Variants in HSPA8 observed in about 807,000 individuals in gnomAD.
HSPA8 encodes heat shock cognate 71 kDa protein.
Under a neutral mutation model 52.8 loss-of-function variants are expected in HSPA8, and 2 were observed. That is an observed-to-expected ratio of 0.04 (90% CI 0.02 to 0.12). The LOEUF (loss-of-function observed/expected upper bound fraction) is 0.12. HSPA8 is among the 10% of genes least tolerant of loss of function. The pLI, the probability that HSPA8 is intolerant of heterozygous loss-of-function variation, is 1.00. For missense variants in HSPA8, 349 were observed against 800.5 expected, an observed-to-expected ratio of 0.44 and a Z score of 6.81; for synonymous variants, 436 against 274.0, an observed-to-expected ratio of 1.59 and a Z score of -5.84.
intron 4 of HSPA8, 26 bp downstream of exon 4, chr11:123,060,090 G>C (rs368508401): frequency 6.2e-7 from 1 of 1,613,806 alleles, no homozygotes; most frequent in Admixed American, 1.7e-5. Flanking sequence ...AAAATAATCC[G>C]AACTTGCATC....
chr11:123,057,997 C>G, intron 8 of HSPA8, 78 bp from the exon 9 acceptor site: 1 of 1,215,284 alleles, frequency 8.2e-7, no homozygotes, highest in South Asian at 1.5e-5. Flanking sequence ...CAATCTGATA[C>G]TAAAAGTCTG....
At chr11:123,061,883 G>A (rs910044760) in intron 1 of HSPA8, 181 bp downstream of exon 1, 2 of 157,350 alleles carry the variant, frequency 1.3e-5, no homozygotes, top group Admixed American at 1.2e-4. Flanking sequence ...CCGTCCTGCC[G>A]GCTGCAACCA....
At position 123,061,369 on chromosome 11, in the gene HSPA8, C is replaced by T. The variant is rs201378086; in HGVS notation, c.-5-40G>A. 1.2e-5 allele frequency: 17 copies of T among 1,457,662 alleles called. No homozygotes were observed. In the African/African-American group the frequency reaches 1.3e-4, roughly 11 times the overall value. The allele number at this position is 1,457,662 out of a possible 1,614,324, so 90.3% of individuals were successfully genotyped here. A position where few individuals can be genotyped will look rare whatever the true frequency, so the allele number is the denominator to read the frequency against. The stretch of plus-strand genomic sequence containing the variant: ...AATCTGGTTTAAAAATTCAATTAAT[C>T]AAAATATTTCCCTCATCCCTTAACA... On this transcript the variant is annotated intron_variant, in intron 1 of 8. Coordinates refer to ENST00000534624, the MANE Select transcript of HSPA8 (RefSeq NM_006597.6).
At chr11:123,061,449 C>T (rs1865498307) in intron 1 of HSPA8, 120 bp from the exon 2 acceptor site, 3 of 753,940 alleles carry the variant, frequency 4.0e-6, no homozygotes, top group Non-Finnish European at 6.6e-6. Context: ...TAGTGCCCAT[C>T]ACCTCCTGTC....
At position 123,058,897 on chromosome 11, in the gene HSPA8, A is replaced by G; in HGVS notation, c.1324-67T>C. ...TCTGTGACAGTGCTAGGGTCCTGCT[A>G]AGGAAGAATGGTCGCTCAAACATCC... On this transcript the variant is annotated intron_variant, in intron 6 of 8. Coordinates refer to ENST00000534624, the MANE Select transcript of HSPA8 (RefSeq NM_006597.6). 4 of 1,497,792 alleles carry G rather than the reference A, an allele frequency of 2.7e-6. No homozygotes were observed. In the South Asian group the frequency reaches 3.4e-5, roughly 13 times the overall value. 92.8% of individuals were successfully genotyped at this position (1,497,792 alleles called of 1,614,324 possible). A position where few individuals can be genotyped will look rare whatever the true frequency, so the allele number is the denominator to read the frequency against.
At position 123,060,035 on chromosome 11, in the gene HSPA8, T is replaced by A. The variant is rs373796555; in HGVS notation, c.565-7A>T. The A allele has an allele frequency of 2.5e-6, 4 of 1,613,872 alleles. No individual in the cohort carries two copies. The African/African-American group carries it at 4.0e-5, about 16-fold the overall frequency. On this transcript the variant is annotated splice_region_variant and splice_polypyrimidine_tract_variant and intron_variant, in intron 4 of 8. Transcript: ENST00000534624. ...CGTTTCTTTCTGCTCCAACCTGCCG[T>A]TAAAAACAATCTCATTTAAATTTAC...
chr11:123,061,593 A>ACCT (rs1865504674), intron 1 of HSPA8: 1 of 511,070 alleles, frequency 2.0e-6, no homozygotes, highest in Admixed American at 3.3e-5. Flanking sequence ...CTTACCCCGA[A>ACCT]CTGAGCACTG....
rs541953746 is a variant in HSPA8, at chr11:123,060,522, C to A, written c.411+71G>T. The A allele has an allele frequency of 4.2e-5, 50 of 1,199,534 alleles. No individual in the cohort carries two copies. The East Asian group carries it at 7.5e-4, about 18-fold the overall frequency. The allele number at this position is 1,199,534 out of a possible 1,614,324, so 74.3% of individuals were successfully genotyped here. A position where few individuals can be genotyped will look rare whatever the true frequency, so the allele number is the denominator to read the frequency against. ...ATCTGTTCCCCTCCCTCGCCAGGTG[C>A]CAGTGCCCCCGGGAGTCATCGGGCT... On this transcript the variant is annotated intron_variant, in intron 3 of 8. Coordinates refer to ENST00000534624, the MANE Select transcript of HSPA8 (RefSeq NM_006597.6).
rs146503730 is a variant in HSPA8 at position 123,059,591 on chromosome 11, A to G, written c.1002T>C (p.Ile334=). The part of the protein sequence containing the change: ...AKLDKSQIHD[I]VLVGGSTRIP... The stretch of plus-strand genomic sequence containing the variant: ...TACGAGTAGAACCACCAACCAGGAC[A>G]ATATCATGAATCTGTGACTTGTCTA... The change falls in exon 5 of 9, where the codon ATT becomes ATC. Residue 334 remains isoleucine, a synonymous_variant. Coordinates refer to ENST00000534624, the MANE Select transcript of HSPA8 (RefSeq NM_006597.6). 285 of 1,614,052 alleles carry G rather than the reference A, an allele frequency of 1.8e-4. No homozygotes were observed. The highest frequency in any genetic ancestry group is 2.2e-4 in the Non-Finnish European group (264 of 1,180,030).
At position 123,057,545 on chromosome 11, in the gene HSPA8, AT is replaced by A. The variant is rs1565365817; in HGVS notation, c.*188del. On this transcript the variant is annotated 3_prime_UTR_variant, in exon 9 of 9. Transcript: ENST00000534624. ...TAAGACATTGCATTTTCCACTTACA[AT>A]ACAGTGTTTATAAAGTGCAATGTTA... 1 of 509,756 alleles carries A rather than the reference AT, an allele frequency of 2.0e-6. No homozygotes were observed. Among genetic ancestry groups the A allele is most frequent in the Non-Finnish European group, 3.4e-6 (1 of 290,692 alleles). 31.6% of individuals were successfully genotyped at this position (509,756 alleles called of 1,614,324 possible). A position where few individuals can be genotyped will look rare whatever the true frequency, so the allele number is the denominator to read the frequency against.
Position 123,058,474 on chromosome 11 carries a change from G to C in HSPA8, c.1533C>G (p.Ser511Arg), listed in dbSNP as rs1591436033. ...GGACCATACGTTCAATGTCTTCCTT[G>C]CTCAAACGGCCTAGGAAAGAAATTA... is the stretch of plus-strand genomic sequence containing the variant. ...ITITNDKGRL[S>R]KEDIERMVQE... Residue 511 changes from serine to arginine, a missense_variant, in exon 8 of 9, where the codon AGC becomes AGG. By Grantham distance (110) the Ser-to-Arg change is moderately radical (BLOSUM62 -1). Coordinates refer to ENST00000534624, the MANE Select transcript of HSPA8 (RefSeq NM_006597.6). 6.2e-7 allele frequency: 1 copy of C among 1,613,590 alleles called. No individual in the cohort carries two copies. Among genetic ancestry groups the C allele is most frequent in the African/African-American group, 1.3e-5 (1 of 74,866 alleles).
intron 3 of HSPA8, 103 bp from the exon 4 acceptor site, chr11:123,060,371 C>CT (rs1565368926): frequency 8.7e-7 from 1 of 1,149,160 alleles, no homozygotes; most frequent in African/African-American, 1.6e-5. Flanking sequence ...TGGAGCACCC[C>CT]CCCCACCAAA....
intron 6 of HSPA8, 57 bp from the exon 7 acceptor site, chr11:123,058,887 G>C (rs1488426735): frequency 1.3e-6 from 2 of 1,534,096 alleles, no homozygotes; most frequent in Non-Finnish European, 1.8e-6. Flanking sequence ...GACAGTGCTA[G>C]GGTCCTGCTA....
At chr11:123,060,302 T>C in intron 3 of HSPA8, 34 bp from the exon 4 acceptor site, 2 of 1,599,558 alleles carry the variant, frequency 1.3e-6, no homozygotes, top group Non-Finnish European at 1.7e-6. Flanking sequence ...GATTGGTAAC[T>C]ATTATACTTA....
chr11:123,060,421 T>C, intron 3 of HSPA8, 153 bp from the exon 4 acceptor site: 4 of 949,604 alleles, frequency 4.2e-6, no homozygotes, highest in South Asian at 1.6e-5. Flanking sequence ...CACTGGTTTC[T>C]GGTGTTGACA....
chr11:123,059,045 G>C lies in HSPA8; in HGVS notation c.1323+14C>G. The C allele has an allele frequency of 6.2e-7, 1 of 1,606,312 alleles. No individual in the cohort carries two copies. Among genetic ancestry groups the C allele is most frequent in the South Asian group, 1.1e-5 (1 of 90,934 alleles). On this transcript the variant is annotated intron_variant, in intron 6 of 8. Coordinates refer to ENST00000534624, the MANE Select transcript of HSPA8 (RefSeq NM_006597.6). ...GTTATCAGTAAGCCAAACAAGAGAA[G>C]TACAGAAACATACCTGAATAAGCAC...
At chr11:123,058,514 C>A in intron 7 of HSPA8, 30 bp from the exon 8 acceptor site, 2 of 1,599,484 alleles carry the variant, frequency 1.3e-6, no homozygotes, top group Non-Finnish European at 8.6e-7. Context: ...TAAGTAAAAG[C>A]CTTAAATTAC....
chr11:123,060,349 TG>T (rs1380814287), intron 3 of HSPA8, 81 bp from the exon 4 acceptor site: 2 of 1,343,626 alleles, frequency 1.5e-6, no homozygotes, highest in Non-Finnish European at 2.1e-6. Flanking sequence ...TTAATGCTGG[TG>T]AAAGAACAGC....
At chr11:123,060,891 G>T in intron 2 of HSPA8, 93 bp from the exon 3 acceptor site, 1 of 1,182,706 alleles carries the variant, frequency 8.5e-7, no homozygotes, top group Non-Finnish European at 1.2e-6. Flanking sequence ...ACAGTTCATA[G>T]GTAGGTGAAT....
Sources: gnomAD v4.1 joint callset for allele counts on GRCh38, gnomAD v4.1.1 for gene constraint, MANE v1.5 for transcripts, NCBI Gene and HGNC (gene_info 2026-07-23, HGNC 2026-07-21) for gene names.